EPHA3: variants seen among roughly 807,000 people sequenced by gnomAD.
EPHA3 encodes the protein EPH receptor A3.
A neutral mutation model predicts 107.1 loss-of-function variants in EPHA3; 42 were observed. That is an observed-to-expected ratio of 0.39 (90% CI 0.31 to 0.51). The LOEUF (loss-of-function observed/expected upper bound fraction) is 0.51, where lower values mean the gene tolerates loss of function less well. EPHA3 is among the 20% of genes least tolerant of loss of function. The probability of loss-of-function intolerance (pLI) is 0.78; values close to 1 mark genes in which losing one functional copy is unlikely to be tolerated. For synonymous variants in EPHA3, 461 were observed against 424.8 expected (o/e 1.09, Z -1.05); for missense variants, 1,183 against 1,211.2 (o/e 0.98, Z 0.35).
In EPHA3 at chr3:89,366,165, G is replaced by GA. The variant is rs371254321; in HGVS notation, c.1306+24082dup. On this transcript the variant is annotated intron_variant, in intron 5 of 16. Coordinates refer to ENST00000336596, the MANE Select transcript of EPHA3 (RefSeq NM_005233.6). ...GACCAGTTCTGTGTCATGCATTTGG[G>GA]AAAAAAACAGAACCAATACATTCAT... 1.3e-4 allele frequency among the ~76,000 whole-genome samples: 20 copies of GA among 150,350 alleles called. 1 individual carries two copies. Among genetic ancestry groups the GA allele is most frequent in the African/African-American group, 3.6e-4 (15 of 41,250 alleles).
intron 5 of EPHA3, 125 bp from the exon 6 acceptor site, chr3:89,395,712 C>T (rs1708835047): frequency 8.3e-7 from 1 of 1,205,080 alleles, no homozygotes; most frequent in South Asian, 1.6e-5. Flanking sequence ...TGCTTTCTTG[C>T]CAAAAAACTG....
intron 3 of EPHA3, among the ~76,000 whole-genome samples, chr3:89,286,968 A>G (rs73846126): frequency 0.034 from 5,207 of 152,098 alleles, 302 homozygotes; most frequent in African/African-American, 0.12. Flanking sequence ...GACTCACTTT[A>G]TATCATCTTT....
At chr3:89,196,720 T>G (rs1576221688) in intron 2 of EPHA3, among the ~76,000 whole-genome samples, 1 of 152,184 alleles carries the variant, frequency 6.6e-6, no homozygotes, top group Admixed American at 6.6e-5. Context: ...GTCAAAATTC[T>G]ACTTATGTTT....
At chr3:89,195,034 AT>A (rs939174965) in intron 2 of EPHA3, among the ~76,000 whole-genome samples, 11 of 151,892 alleles carry the variant, frequency 7.2e-5, no homozygotes, top group East Asian at 5.8e-4. Flanking sequence ...TTTTTCTTGT[AT>A]TTTTTTCTTT....
rs185672805 is a variant in EPHA3, at chr3:89,359,800, C to T, written c.1306+17710C>T. On this transcript the variant is annotated intron_variant, in intron 5 of 16. Coordinates refer to ENST00000336596, the MANE Select transcript of EPHA3 (RefSeq NM_005233.6). The stretch of plus-strand genomic sequence containing the variant: ...ATATATACATATATATACATATATA[C>T]ACATATATATACATATATATACATA... Among the ~76,000 whole-genome samples, 1,009 of 138,696 alleles carry T rather than the reference C, an allele frequency of 7.3e-3. 9 individuals are homozygous for T. The highest frequency in any genetic ancestry group is 0.027 in the African/African-American group (950 of 35,320). 91.0% of individuals were successfully genotyped at this position (138,696 alleles called of 152,430 possible).
At chr3:89,338,684 G>T (rs1707448561) in intron 3 of EPHA3, among the ~76,000 whole-genome samples, 13 of 152,142 alleles carry the variant, frequency 8.5e-5, no homozygotes, top group Admixed American at 8.5e-4. Flanking sequence ...GAGTAGCTGG[G>T]ACCACAGGCG....
intron 1 of EPHA3, among the ~76,000 whole-genome samples, chr3:89,125,863 G>A (rs534014445): frequency 6.6e-6 from 1 of 151,426 alleles, no homozygotes; most frequent in Non-Finnish European, 1.5e-5. Context: ...GAAACCTAAT[G>A]TCTATCAAAT....
At chr3:89,431,569 A>G (rs1330228116) in intron 13 of EPHA3, among the ~76,000 whole-genome samples, 11 of 152,150 alleles carry the variant, frequency 7.2e-5, no homozygotes, top group African/African-American at 2.2e-4. Context: ...CTGAAATTCT[A>G]TACCTCAGTT....
intron 5 of EPHA3, among the ~76,000 whole-genome samples, chr3:89,373,790 T>A (rs75029998): frequency 6.6e-6 from 1 of 151,820 alleles, no homozygotes; most frequent in Non-Finnish European, 1.5e-5. Context: ...AGGCTTCTAT[T>A]TGTGGGTTTG....
Position 89,481,957 on chromosome 3 carries a change from C to G in EPHA3, c.*2455C>G, listed in dbSNP as rs1160467712. On this transcript the variant is annotated 3_prime_UTR_variant, in exon 17 of 17. Transcript: ENST00000336596. ...TATGCTGTGCTAAATATCAATCAAG[C>G]CATGTATAAATGTGATATGATTGGC... is the stretch of plus-strand genomic sequence containing the variant. The G allele has an allele frequency of 4.4e-6, 1 of 225,800 alleles. No homozygotes were observed. Among genetic ancestry groups the G allele is most frequent in the East Asian group, 6.4e-5 (1 of 15,586 alleles). 14.0% of individuals were successfully genotyped at this position (225,800 alleles called of 1,614,324 possible). A position where few individuals can be genotyped will look rare whatever the true frequency, so the allele number is the denominator to read the frequency against.
chr3:89,347,955 G>T lies in EPHA3; in HGVS notation c.1306+5865G>T, dbSNP rs917989321. Among the ~76,000 whole-genome samples, 69 of 151,226 alleles carry T rather than the reference G, an allele frequency of 4.6e-4. 1 individual carries two copies. Among genetic ancestry groups the T allele is most frequent in the Non-Finnish European group, 4.1e-4 (28 of 67,548 alleles). On this transcript the variant is annotated intron_variant, in intron 5 of 16. Transcript: ENST00000336596. The stretch of plus-strand genomic sequence containing the variant: ...TATATTGGACCAGCCTTGCATCCCA[G>T]GGATGAAGCCCACTTGATCATGGTG...
chr3:89,156,620 T>C (rs1333427043), intron 2 of EPHA3, among the ~76,000 whole-genome samples: 1 of 152,034 alleles, frequency 6.6e-6, no homozygotes, highest in Non-Finnish European at 1.5e-5. Context: ...TTCAAGCGTT[T>C]GCCATTTTTT....
At chr3:89,254,022 T>C (rs13075167) in intron 3 of EPHA3, among the ~76,000 whole-genome samples, 41,733 of 151,956 alleles carry the variant, frequency 0.27, 7,252 homozygotes, top group East Asian at 0.45. Flanking sequence ...TATAGCCATT[T>C]CCTTGTCCAA....
At chr3:89,373,004 TCA>T (rs1708338224) in intron 5 of EPHA3, among the ~76,000 whole-genome samples, 1 of 151,874 alleles carries the variant, frequency 6.6e-6, no homozygotes, top group Non-Finnish European at 1.5e-5. Context: ...AAATATTTTA[TCA>T]GTTTTCTTTT....
At chr3:89,313,601 T>C (rs1459582841) in intron 3 of EPHA3, among the ~76,000 whole-genome samples, 1 of 152,006 alleles carries the variant, frequency 6.6e-6, no homozygotes. Flanking sequence ...TGGTTAAATA[T>C]AGGAAATTTT....
At chr3:89,424,041 AC>A (rs768041006) in intron 11 of EPHA3, among the ~76,000 whole-genome samples, 3 of 151,418 alleles carry the variant, frequency 2.0e-5, no homozygotes, top group Non-Finnish European at 4.4e-5. Context: ...AAAAAGTATC[AC>A]CTCTAAATGC....
chr3:89,235,298 G>A (rs932641049), intron 3 of EPHA3, among the ~76,000 whole-genome samples: 1 of 152,034 alleles, frequency 6.6e-6, no homozygotes, highest in Non-Finnish European at 1.5e-5. Flanking sequence ...CATTAAAAGT[G>A]CATTCTTTTC....
chr3:89,116,278 T>A (rs1212085340), intron 1 of EPHA3, among the ~76,000 whole-genome samples: 1 of 152,112 alleles, frequency 6.6e-6, no homozygotes, highest in Admixed American at 6.5e-5. Flanking sequence ...AGTGTGATTA[T>A]TTAGGGTTAT....
intron 2 of EPHA3, among the ~76,000 whole-genome samples, chr3:89,178,146 T>G (rs1222491545): frequency 6.6e-6 from 1 of 152,128 alleles, no homozygotes; most frequent in African/African-American, 2.4e-5. Context: ...TCTACTGAAC[T>G]TTTTCAAGGT....
Sources: allele counts gnomAD v4.1 joint callset (sites outside exome capture counted in the v4.1 genomes callset), GRCh38; gene constraint gnomAD v4.1.1; transcripts MANE v1.5; gene names NCBI Gene and HGNC (gene_info 2026-07-23, HGNC 2026-07-21).